DLG1: variants seen among roughly 807,000 people sequenced by gnomAD.
DLG1 encodes the protein discs large MAGUK scaffold protein 1, also known as disks large homolog 1.
DLG1 carries 42 observed loss-of-function variants against 123.4 expected under a neutral mutation model. That is an observed-to-expected ratio of 0.34 (90% CI 0.27 to 0.44). The LOEUF is 0.44. Ranked by LOEUF, DLG1 falls within the 20% of genes least tolerant of loss-of-function variation. The pLI is 1.00. For synonymous variants in DLG1, 317 were observed against 356.2 expected, an observed-to-expected ratio of 0.89 and a Z score of 1.24; for missense variants, 942 against 1,082.6, an observed-to-expected ratio of 0.87 and a Z score of 1.82.
At chr3:197,081,166 G>T in intron 16 of DLG1, 49 bp from the exon 17 acceptor site, 1 of 1,534,992 alleles carries the variant, frequency 6.5e-7, no homozygotes, top group Non-Finnish European at 8.9e-7. Flanking sequence ...ACATATCTGG[G>T]GTCTTACTAG....
intron 13 of DLG1, among the ~76,000 whole-genome samples, chr3:197,108,596 A>ATGAT (rs36031003): frequency 0.69 from 104,558 of 151,626 alleles, 36,135 homozygotes; most frequent in East Asian, 0.81. Flanking sequence ...TGACTACATA[A>ATGAT]TGATATACTA....
At chr3:197,205,034 A>T (rs1727774019) in intron 4 of DLG1, among the ~76,000 whole-genome samples, 1 of 152,216 alleles carries the variant, frequency 6.6e-6, no homozygotes, top group African/African-American at 2.4e-5. Flanking sequence ...TCCACATACC[A>T]AACCATCTTG....
chr3:197,272,318 A>G (rs1241574289), intron 4 of DLG1, among the ~76,000 whole-genome samples: 1 of 151,704 alleles, frequency 6.6e-6, no homozygotes, highest in South Asian at 2.1e-4. Flanking sequence ...ACCACCTCAC[A>G]CTAGCCTGAA....
At position 197,076,475 on chromosome 3, in the gene DLG1, A is replaced by G. The variant is rs1191072295; in HGVS notation, c.2005+111T>C. 6 of 736,446 alleles carry G rather than the reference A, an allele frequency of 8.1e-6. No homozygotes were observed. The Admixed American group carries it at 1.6e-4, about 19-fold the overall frequency. The allele number at this position is 736,446 out of a possible 1,614,324, so 45.6% of individuals were successfully genotyped here. Reference sequence around the variant, plus strand: ...AACTGTTAAGTTGCCCTTGAAGACAATTAGCAACCTGCTGCAGCTCTTGAA... The same window carrying G: ...AACTGTTAAGTTGCCCTTGAAGACAGTTAGCAACCTGCTGCAGCTCTTGAA... On this transcript the variant is annotated intron_variant, in intron 18 of 24. Transcript: ENST00000667157.
intron 5 of DLG1, among the ~76,000 whole-genome samples, chr3:197,183,114 T>C (rs1577680149): frequency 6.6e-6 from 1 of 152,212 alleles, no homozygotes; most frequent in Non-Finnish European, 1.5e-5. Flanking sequence ...TTATATTAAA[T>C]TGAATCTATT....
Position 197,104,205 on chromosome 3 carries a change from G to A in DLG1, c.1546+698C>T, listed in dbSNP as rs190155332. On this transcript the variant is annotated intron_variant, in intron 14 of 24. Transcript: ENST00000667157. Reference sequence around the variant, plus strand: ...AAAATCTGGGTGACCTAATTTTTTTGGGCATTATTACTATATCTGCTTATG... The same window carrying A: ...AAAATCTGGGTGACCTAATTTTTTTAGGCATTATTACTATATCTGCTTATG... Among the ~76,000 whole-genome samples, 178 of 151,974 alleles carry A rather than the reference G, an allele frequency of 1.2e-3. 1 individual carries two copies. The highest frequency in any genetic ancestry group is 3.9e-3 in the African/African-American group (163 of 41,438).
intron 4 of DLG1, among the ~76,000 whole-genome samples, chr3:197,207,347 T>TA: frequency 6.6e-6 from 1 of 152,136 alleles, no homozygotes; most frequent in Middle Eastern, 3.2e-3. Flanking sequence ...AAAACCAAAG[T>TA]ATCCAAATGT....
At chr3:197,161,693 GGATCAC>G in intron 5 of DLG1, 1 of 1,578,638 alleles carries the variant, frequency 6.3e-7, no homozygotes, top group Non-Finnish European at 8.6e-7. Flanking sequence ...GGCAGGACAG[GGATCAC>G]AGGGACAGTG....
chr3:197,053,201 T>C (rs1390168580), intron 23 of DLG1, among the ~76,000 whole-genome samples: 1 of 152,186 alleles, frequency 6.6e-6, no homozygotes, highest in African/African-American at 2.4e-5. Flanking sequence ...GCCTTCAATA[T>C]TTTGCCATTA....
intron 4 of DLG1, among the ~76,000 whole-genome samples, chr3:197,265,861 C>T (rs1424651018): frequency 6.6e-6 from 1 of 152,084 alleles, no homozygotes; most frequent in Non-Finnish European, 1.5e-5. Context: ...ACCAGCCTGA[C>T]CAACATGGTG....
At chr3:197,221,853 A>T (rs1737256510) in intron 4 of DLG1, among the ~76,000 whole-genome samples, 1 of 152,168 alleles carries the variant, frequency 6.6e-6, no homozygotes, top group Non-Finnish European at 1.5e-5. Flanking sequence ...TCTGTGGGGG[A>T]CACGTTCCAG....
chr3:197,185,852 T>C (rs1403149882), intron 5 of DLG1, among the ~76,000 whole-genome samples: 1 of 152,068 alleles, frequency 6.6e-6, no homozygotes. Context: ...AGACATACAA[T>C]AGTAGGCTCT....
chr3:197,269,726 G>T (rs1480282815), intron 4 of DLG1, among the ~76,000 whole-genome samples: 2 of 152,186 alleles, frequency 1.3e-5, no homozygotes, highest in Admixed American at 6.5e-5. Flanking sequence ...CCTCGTGTAT[G>T]TTAGGAGGCT....
intron 1 of DLG1, 78 bp from the exon 2 acceptor site, chr3:197,297,313 C>G: frequency 6.4e-7 from 1 of 1,559,064 alleles, no homozygotes; most frequent in Non-Finnish European, 8.6e-7. Flanking sequence ...ATAGAAAACC[C>G]TCGCAGCCTA....
intron 5 of DLG1, among the ~76,000 whole-genome samples, chr3:197,180,057 GTTT>G (rs1188685543): frequency 7.4e-5 from 5 of 67,550 alleles, no homozygotes; most frequent in African/African-American, 3.5e-4. Flanking sequence ...GGCATGTTGT[GTTT>G]TTTTTTTGGG....
chr3:197,255,458 A>G (rs1460266288), intron 4 of DLG1, among the ~76,000 whole-genome samples: 1 of 152,220 alleles, frequency 6.6e-6, no homozygotes, highest in Non-Finnish European at 1.5e-5. Context: ...GCTTTGTCCT[A>G]TTAAACAAAA....
chr3:197,174,410 T>C (rs1805925548), intron 5 of DLG1, among the ~76,000 whole-genome samples: 1 of 152,194 alleles, frequency 6.6e-6, no homozygotes, highest in South Asian at 2.1e-4. Context: ...TTCTTTAAAA[T>C]ATCTTTAATT....
At chr3:197,172,595 A>G (rs1292763576) in intron 5 of DLG1, among the ~76,000 whole-genome samples, 1 of 152,068 alleles carries the variant, frequency 6.6e-6, no homozygotes, top group African/African-American at 2.4e-5. Flanking sequence ...CTTAATCAGC[A>G]CTCTAAAATG....
intron 5 of DLG1, among the ~76,000 whole-genome samples, chr3:197,174,770 T>C (rs1434433175): frequency 2.0e-5 from 3 of 152,222 alleles, no homozygotes; most frequent in East Asian, 1.9e-4. Flanking sequence ...TGCCAGTTTA[T>C]TGCTCTTGAA....
Sources: gnomAD v4.1 joint callset for allele counts (sites outside exome capture counted in the v4.1 genomes callset) on GRCh38, gnomAD v4.1.1 for gene constraint, MANE v1.5 for transcripts, NCBI Gene and HGNC (gene_info 2026-07-23, HGNC 2026-07-21) for gene names.